Variants in KIF21A observed in about 807,000 individuals in gnomAD.
KIF21A encodes the protein kinesin family member 21A, also known as kinesin-like protein KIF21A.
In KIF21A, 114 loss-of-function variants were observed where a neutral mutation model predicts 202.9. The observed-to-expected ratio is 0.56, with a 90% CI of 0.48 to 0.66. The LOEUF is 0.66. Among genes scored for constraint, KIF21A ranks in the 30% least tolerant of loss-of-function variants. KIF21A has a pLI of 0.00. For missense variants in KIF21A, 1,677 were observed against 1,994.9 expected, an observed-to-expected ratio of 0.84 and a Z score of 3.04; for synonymous variants, 667 against 670.8, an observed-to-expected ratio of 0.99 and a Z score of 0.09.
intron 16 of KIF21A, among the ~76,000 whole-genome samples, chr12:39,338,986 A>G (rs746997769): frequency 1.3e-5 from 2 of 152,174 alleles, no homozygotes; most frequent in African/African-American, 2.4e-5. Flanking sequence ...CTGTAAAAGT[A>G]TACAAGTTTT....
intron 1 of KIF21A, among the ~76,000 whole-genome samples, chr12:39,378,573 C>G (rs552390765): frequency 6.6e-6 from 1 of 152,252 alleles, no homozygotes; most frequent in Admixed American, 6.5e-5. Context: ...TGCCTATTTT[C>G]CAAAGTGCTC....
Position 39,311,564 on chromosome 12 carries a change from G to A in KIF21A, c.3960-11C>T, listed in dbSNP as rs201115347. ...GGGTTGATTATGCCCCTAAGGTGGG[G>A]AAAAAACAAACAAACCAAGACTCAC... On this transcript the variant is annotated splice_polypyrimidine_tract_variant and intron_variant, in intron 31 of 37. Coordinates refer to ENST00000361418, the MANE Select transcript of KIF21A (RefSeq NM_001173464.2). The A allele has an allele frequency of 2.5e-4, 399 of 1,612,100 alleles. 5 individuals carry two copies. In the South Asian group the frequency reaches 3.8e-3, roughly 15 times the overall value.
intron 27 of KIF21A, 71 bp from the exon 28 acceptor site, chr12:39,320,084 C>T (rs926472271): frequency 3.5e-6 from 3 of 852,390 alleles, no homozygotes; most frequent in African/African-American, 3.4e-5. Context: ...GATAGTCAAT[C>T]TAAAATTTGT....
intron 1 of KIF21A, among the ~76,000 whole-genome samples, chr12:39,374,708 T>C (rs1950160594): frequency 6.6e-6 from 1 of 152,134 alleles, no homozygotes; most frequent in Admixed American, 6.6e-5. Flanking sequence ...TACAATAATA[T>C]AACATCACTT....
chr12:39,333,509 T>G (rs547776150), intron 17 of KIF21A, among the ~76,000 whole-genome samples: 9 of 152,282 alleles, frequency 5.9e-5, no homozygotes, highest in Non-Finnish European at 1.3e-4. Flanking sequence ...GTTATCTCTG[T>G]GTTACATACT....
chr12:39,352,480 C>T (rs1007140852), intron 10 of KIF21A, among the ~76,000 whole-genome samples: 1 of 152,062 alleles, frequency 6.6e-6, no homozygotes, highest in African/African-American at 2.4e-5. Flanking sequence ...AATCTTAATA[C>T]TCAAAAGAAT....
chr12:39,413,854 T>C (rs1953316663), intron 1 of KIF21A, among the ~76,000 whole-genome samples: 1 of 152,114 alleles, frequency 6.6e-6, no homozygotes, highest in African/African-American at 2.4e-5. Flanking sequence ...AAATGTAACA[T>C]ATGGAATTAA....
intron 16 of KIF21A, 88 bp downstream of exon 16, chr12:39,340,077 G>A: frequency 9.6e-7 from 1 of 1,041,848 alleles, no homozygotes. Flanking sequence ...ATCGAATATG[G>A]AAAGAACCAC....
intron 1 of KIF21A, among the ~76,000 whole-genome samples, chr12:39,392,924 G>A (rs73086888): frequency 0.011 from 1,573 of 145,448 alleles, 36 homozygotes; most frequent in African/African-American, 0.036. Flanking sequence ...AAAATAAAAA[G>A]GTAATAAAAT....
Position 39,302,395 on chromosome 12 carries a change from A to G in KIF21A, c.4731+570T>C, listed in dbSNP as rs74088338. Among the ~76,000 whole-genome samples the G allele has an allele frequency of 3.7e-3, 560 of 152,264 alleles. 2 individuals carry two copies. The highest frequency in any genetic ancestry group is 0.013 in the African/African-American group (530 of 41,550). ...AAGCAACTACGACATATAAATACCCACACATATATATAAGGAAAAACTTGA... is the reference window on the plus strand; with the variant it reads ...AAGCAACTACGACATATAAATACCCGCACATATATATAAGGAAAAACTTGA... On this transcript the variant is annotated intron_variant, in intron 36 of 37. Transcript: ENST00000361418.
chr12:39,384,356 A>G (rs1950806868), intron 1 of KIF21A, among the ~76,000 whole-genome samples: 1 of 152,218 alleles, frequency 6.6e-6, no homozygotes, highest in African/African-American at 2.4e-5. Context: ...TAGACTTTGC[A>G]AAGTCAAATA....
chr12:39,375,743 GGTTAGCTT>G (rs759987271), intron 1 of KIF21A, among the ~76,000 whole-genome samples: 2 of 151,992 alleles, frequency 1.3e-5, no homozygotes, highest in African/African-American at 2.4e-5. Flanking sequence ...TACAGTAATG[GGTTAGCTT>G]GTTAGCTTGT....
chr12:39,369,396 G>C (rs1217669103), intron 3 of KIF21A, among the ~76,000 whole-genome samples: 1 of 152,078 alleles, frequency 6.6e-6, no homozygotes, highest in African/African-American at 2.4e-5. Context: ...GGAGGCAGGG[G>C]CTGCAGTGAG....
At chr12:39,319,821 GA>G in intron 28 of KIF21A, 84 bp downstream of exon 28, 1 of 895,218 alleles carries the variant, frequency 1.1e-6, no homozygotes, top group South Asian at 1.4e-5. Flanking sequence ...CCTAAATCTG[GA>G]AAATAATTTC....
chr12:39,437,388 C>G (rs1048244225), intron 1 of KIF21A, among the ~76,000 whole-genome samples: 2 of 152,258 alleles, frequency 1.3e-5, no homozygotes, highest in Non-Finnish European at 1.5e-5. Context: ...ACTATCAACC[C>G]ACATTTTGTA....
chr12:39,318,345 G>T, intron 28 of KIF21A, 144 bp from the exon 29 acceptor site: 1 of 776,504 alleles, frequency 1.3e-6, no homozygotes, highest in Non-Finnish European at 2.0e-6. Flanking sequence ...AAGATAAAAT[G>T]CATTCTGAAC....
intron 24 of KIF21A, among the ~76,000 whole-genome samples, chr12:39,329,516 A>G (rs1343806044): frequency 2.6e-5 from 4 of 152,084 alleles, no homozygotes; most frequent in Non-Finnish European, 5.9e-5. Flanking sequence ...GGAGAGAAAG[A>G]AGGAGGAACA....
At chr12:39,413,008 G>A (rs1233920531) in intron 1 of KIF21A, among the ~76,000 whole-genome samples, 1 of 152,130 alleles carries the variant, frequency 6.6e-6, no homozygotes, top group East Asian at 1.9e-4. Context: ...TCATTCTGGA[G>A]GACCTATCCC....
At chr12:39,430,951 T>C (rs1413835909) in intron 1 of KIF21A, among the ~76,000 whole-genome samples, 4 of 152,160 alleles carry the variant, frequency 2.6e-5, no homozygotes, top group Non-Finnish European at 5.9e-5. Flanking sequence ...CCTCATCAGA[T>C]GTCAGCACCC....
Sources: allele counts gnomAD v4.1 joint callset (sites outside exome capture counted in the v4.1 genomes callset), GRCh38; gene constraint gnomAD v4.1.1; transcripts MANE v1.5; gene names NCBI Gene and HGNC (gene_info 2026-07-23, HGNC 2026-07-21).